TGFA: variants seen among roughly 807,000 people sequenced by gnomAD.
TGFA encodes protransforming growth factor alpha.
A neutral mutation model predicts 21.7 loss-of-function variants in TGFA; 12 were observed. The ratio of observed to expected loss-of-function variants is 0.55; its 90% CI spans 0.35 to 0.90. TGFA has a LOEUF of 0.90. Among genes scored for constraint, TGFA ranks in the 40% least tolerant of loss-of-function variants. The pLI, the probability that TGFA is intolerant of heterozygous loss-of-function variation, is 0.01. For synonymous variants in TGFA, 79 were observed against 88.1 expected, an observed-to-expected ratio of 0.90 and a Z score of 0.58; for missense variants, 178 against 210.8, an observed-to-expected ratio of 0.84 and a Z score of 0.96.
chr2:70,476,387 G>A (rs1196052602), intron 2 of TGFA, among the ~76,000 whole-genome samples: 1 of 152,196 alleles, frequency 6.6e-6, no homozygotes, highest in African/African-American at 2.4e-5. Flanking sequence ...CTGGGAACTG[G>A]AGCCCAGTCC....
rs367587482 is a variant in TGFA, at chr2:70,514,930, A to G, written c.41-18T>C. 37 of 1,613,036 alleles carry G rather than the reference A, an allele frequency of 2.3e-5. No homozygotes were observed. The African/African-American group carries it at 4.9e-4, about 22-fold the overall frequency. On this transcript the variant is annotated intron_variant, in intron 1 of 5. Transcript: ENST00000295400. ...CACAATACCTGTTGGGTGGAGGAGAAGAGGGAAAAGGTCAGAGTCTGCTTG... is the reference window on the plus strand; with the variant it reads ...CACAATACCTGTTGGGTGGAGGAGAGGAGGGAAAAGGTCAGAGTCTGCTTG...
intron 4 of TGFA, among the ~76,000 whole-genome samples, chr2:70,454,005 G>GAA (rs34051238): frequency 1.6e-3 from 226 of 144,614 alleles, no homozygotes; most frequent in African/African-American, 3.2e-3. Flanking sequence ...GACTTTGCAT[G>GAA]AAAAAAAAAA....
chr2:70,521,606 G>GTTTTTTTTT (rs1559133439), intron 1 of TGFA, among the ~76,000 whole-genome samples: 7 of 98,218 alleles, frequency 7.1e-5, no homozygotes, highest in Non-Finnish European at 1.2e-4. Flanking sequence ...TTTTTTTGTT[G>GTTTTTTTTT]TTGTTTGTTT....
chr2:70,471,637 G>T (rs1284484722), intron 2 of TGFA, among the ~76,000 whole-genome samples: 4 of 152,216 alleles, frequency 2.6e-5, no homozygotes, highest in African/African-American at 9.7e-5. Flanking sequence ...CCTATGAGAG[G>T]CACTTTGGTG....
At chr2:70,451,962 C>G (rs1341750505) in intron 5 of TGFA, among the ~76,000 whole-genome samples, 1 of 152,224 alleles carries the variant, frequency 6.6e-6, no homozygotes, top group African/African-American at 2.4e-5. Context: ...TCAAGTGCCG[C>G]TCCCGCACTC....
chr2:70,497,135 C>T (rs1490513851), intron 2 of TGFA, among the ~76,000 whole-genome samples: 4 of 152,156 alleles, frequency 2.6e-5, no homozygotes, highest in Non-Finnish European at 5.9e-5. Context: ...ACCAGGGAAC[C>T]GGAGCATAGA....
chr2:70,548,827 G>T (rs983718220), intron 1 of TGFA, among the ~76,000 whole-genome samples: 1 of 152,104 alleles, frequency 6.6e-6, no homozygotes, highest in Non-Finnish European at 1.5e-5. Flanking sequence ...GATTTTTAGT[G>T]TTATTCTAAA....
chr2:70,457,272 TTAATC>T (rs1670261468), intron 3 of TGFA, among the ~76,000 whole-genome samples: 1 of 152,154 alleles, frequency 6.6e-6, no homozygotes, highest in South Asian at 2.1e-4. Flanking sequence ...TTCTTTGGTA[TTAATC>T]TTTCAATCAC....
At chr2:70,465,594 C>A (rs1553492041) in intron 3 of TGFA, 22 bp downstream of exon 3, 1 of 1,613,952 alleles carries the variant, frequency 6.2e-7, no homozygotes, top group South Asian at 1.1e-5. Context: ...CCCAGATCTC[C>A]AGGAGAACAG....
chr2:70,493,004 T>C (rs1671479182), intron 2 of TGFA, among the ~76,000 whole-genome samples: 1 of 152,184 alleles, frequency 6.6e-6, no homozygotes, highest in Admixed American at 6.5e-5. Context: ...TCATTCCCTA[T>C]AGGCTCATAT....
chr2:70,474,331 C>T (rs552175057), intron 2 of TGFA, among the ~76,000 whole-genome samples: 5 of 152,290 alleles, frequency 3.3e-5, no homozygotes, highest in African/African-American at 1.2e-4. Flanking sequence ...TATTGAGATA[C>T]TGAAGAGCTA....
chr2:70,474,798 T>G (rs1670871811), intron 2 of TGFA, among the ~76,000 whole-genome samples: 2 of 152,206 alleles, frequency 1.3e-5, no homozygotes, highest in Non-Finnish European at 2.9e-5. Context: ...AGGGGAAACC[T>G]AAGGGAACAT....
intron 2 of TGFA, among the ~76,000 whole-genome samples, chr2:70,507,717 G>A (rs1254156772): frequency 3.3e-5 from 5 of 152,212 alleles, no homozygotes; most frequent in Admixed American, 1.3e-4. Context: ...CTATTTCTCA[G>A]GAGGTTATGT....
At chr2:70,467,530 A>G (rs1670605402) in intron 2 of TGFA, 1 of 152,186 alleles carries the variant, frequency 6.6e-6, no homozygotes, top group African/African-American at 2.4e-5. Context: ...GTCCAAAGTA[A>G]ATTTGAGGCA....
intron 5 of TGFA, among the ~76,000 whole-genome samples, chr2:70,452,771 G>C (rs11466265): frequency 6.6e-6 from 1 of 151,948 alleles, no homozygotes; most frequent in African/African-American, 2.4e-5. Context: ...GCGAAACCCC[G>C]TCTCTACTAA....
chr2:70,553,605 GACT>G, intron 1 of TGFA, 120 bp downstream of exon 1: 3 of 1,316,478 alleles, frequency 2.3e-6, no homozygotes, highest in Non-Finnish European at 2.9e-6. Flanking sequence ...AACCCATTGA[GACT>G]ACTCGCTTCT....
At chr2:70,553,083 G>T in intron 1 of TGFA, 2 of 1,245,576 alleles carry the variant, frequency 1.6e-6, no homozygotes, top group Non-Finnish European at 2.2e-6. Flanking sequence ...GGCAACACTC[G>T]GTCTAGGGTT....
chr2:70,521,613 GTTTGTTTTT>G (rs1672468778), intron 1 of TGFA, among the ~76,000 whole-genome samples: 1 of 74,052 alleles, frequency 1.4e-5, no homozygotes, highest in Non-Finnish European at 2.8e-5. Flanking sequence ...GTTGTTGTTT[GTTTGTTTTT>G]TTTTTTTTTT....
intron 1 of TGFA, among the ~76,000 whole-genome samples, chr2:70,541,291 T>C (rs919220956): frequency 6.6e-6 from 1 of 152,236 alleles, no homozygotes; most frequent in Non-Finnish European, 1.5e-5. Flanking sequence ...AGTTTATAGA[T>C]ATATTTATAT....
Sources: allele counts gnomAD v4.1 joint callset (sites outside exome capture counted in the v4.1 genomes callset), GRCh38; gene constraint gnomAD v4.1.1; transcripts MANE v1.5; gene names NCBI Gene and HGNC (gene_info 2026-07-23, HGNC 2026-07-21).